ZKSCAN2: variants seen among roughly 807,000 people sequenced by gnomAD.
The protein encoded by ZKSCAN2 is zinc finger with KRAB and SCAN domains 2.
In ZKSCAN2, 38 loss-of-function variants were observed where a neutral mutation model predicts 90.5. The ratio of observed to expected loss-of-function variants is 0.42; its 90% CI spans 0.32 to 0.55. The LOEUF is 0.55. Among genes scored for constraint, ZKSCAN2 ranks in the 20% least tolerant of loss-of-function variants. The probability of loss-of-function intolerance (pLI) is 0.11; values close to 1 mark genes in which losing one functional copy is unlikely to be tolerated. For missense variants in ZKSCAN2, 1,167 were observed against 1,202.6 expected (o/e 0.97, Z 0.44); for synonymous variants, 429 against 421.6 (o/e 1.02, Z -0.22).
At chr16:25,251,199 T>A (rs561056772) in intron 4 of ZKSCAN2, among the ~76,000 whole-genome samples, 16 of 152,086 alleles carry the variant, frequency 1.1e-4, no homozygotes, top group Non-Finnish European at 2.1e-4. Flanking sequence ...AATTGAGTTG[T>A]TTTGCTTAAG....
intron 5 of ZKSCAN2, 27 bp from the exon 6 acceptor site, chr16:25,244,303 T>C (rs1280519762): frequency 2.5e-6 from 4 of 1,595,652 alleles, no homozygotes; most frequent in East Asian, 4.5e-5. Context: ...AAGTTCACAA[T>C]GTAACAAAGA....
intron 6 of ZKSCAN2, among the ~76,000 whole-genome samples, chr16:25,241,544 T>C (rs1962854563): frequency 6.6e-6 from 1 of 152,258 alleles, no homozygotes; most frequent in African/African-American, 2.4e-5. Flanking sequence ...AACTATGACC[T>C]ATTCATGGCC....
In ZKSCAN2 at chr16:25,250,136, C is replaced by T. The variant is rs554134379; in HGVS notation, c.805+1773G>A. On this transcript the variant is annotated intron_variant, in intron 4 of 6. Transcript: ENST00000328086. ...CCAACCTGGCCAATATGGTGAAACC[C>T]CGTCTCTACTAAAAATACAAAAATT... is the stretch of plus-strand genomic sequence containing the variant. Among the ~76,000 whole-genome samples the T allele has an allele frequency of 2.0e-3, 299 of 152,242 alleles. 1 individual carries two copies. Among genetic ancestry groups the T allele is most frequent in the Non-Finnish European group, 3.4e-3 (233 of 68,026 alleles).
chr16:25,240,889 T>G, intron 6 of ZKSCAN2, 151 bp from the exon 7 acceptor site: 1 of 650,874 alleles, frequency 1.5e-6, no homozygotes, highest in Non-Finnish European at 2.6e-6. Flanking sequence ...TATATTTCTT[T>G]CCATTCATAA....
rs759116702 is a variant in ZKSCAN2, at chr16:25,240,072, C to A, written c.2648G>T (p.Gly883Val). The A allele has an allele frequency of 4.3e-6, 7 of 1,613,858 alleles. No individual in the cohort carries two copies. Among genetic ancestry groups the A allele is most frequent in the African/African-American group, 1.3e-5 (1 of 74,872 alleles). The stretch of plus-strand genomic sequence containing the variant: ...GTCCACACATTTGTAGGGATTCTCC[C>A]CAGTGTGAACTCTCCGGTGGGCGCT... ...HFSAHRRVHTGENPYKCVDCE... is the reference protein window; with the variant it reads ...HFSAHRRVHTVENPYKCVDCE... The change falls in exon 7 of 7, where the codon GGG becomes GTG. Residue 883 changes from glycine to valine, a missense_variant. Physicochemically the swap from Gly to Val is moderately radical, Grantham distance 109. Transcript: ENST00000328086.
chr16:25,257,166 T>G lies in ZKSCAN2; in HGVS notation c.-39A>C. The G allele has an allele frequency of 6.5e-7, 1 of 1,539,268 alleles. No individual in the cohort carries two copies. The highest frequency in any genetic ancestry group is 1.3e-5 in the South Asian group (1 of 79,094). On this transcript the variant is annotated 5_prime_UTR_variant, in exon 1 of 7. Transcript: ENST00000328086. ...GGTCAACTTCACGTCTAGCTCAAGG[T>G]GGGGACCCAAAGAAGACTCCAAGCG...
intron 6 of ZKSCAN2, among the ~76,000 whole-genome samples, chr16:25,241,066 T>C (rs1280639801): frequency 1.3e-5 from 2 of 152,198 alleles, no homozygotes; most frequent in African/African-American, 4.8e-5. Context: ...ACCTCTATAC[T>C]AAAGCACACT....
intron 6 of ZKSCAN2, among the ~76,000 whole-genome samples, chr16:25,242,546 A>G (rs1306128786): frequency 6.6e-6 from 1 of 152,220 alleles, no homozygotes; most frequent in African/African-American, 2.4e-5. Context: ...GTTCAGTGCC[A>G]TAAGACAGAG....
intron 4 of ZKSCAN2, among the ~76,000 whole-genome samples, chr16:25,248,275 T>A: frequency 1.5e-5 from 1 of 67,860 alleles, no homozygotes; most frequent in African/African-American, 6.0e-5. Context: ...ACAAAGCTTC[T>A]ATACAGCAAA....
chr16:25,248,924 A>G (rs1214967083), intron 4 of ZKSCAN2, among the ~76,000 whole-genome samples: 2 of 152,254 alleles, frequency 1.3e-5, no homozygotes, highest in East Asian at 3.8e-4. Flanking sequence ...AATGTGGTCT[A>G]TATACACAAA....
chr16:25,245,771 GAAA>G (rs71385530), intron 5 of ZKSCAN2, among the ~76,000 whole-genome samples: 3 of 120,196 alleles, frequency 2.5e-5, no homozygotes, highest in Non-Finnish European at 3.5e-5. Flanking sequence ...CACCGTCTCG[GAAA>G]AAAAAAAAAA....
intron 2 of ZKSCAN2, 88 bp downstream of exon 2, chr16:25,255,118 G>A (rs1963078330): frequency 1.5e-6 from 2 of 1,340,562 alleles, no homozygotes; most frequent in Non-Finnish European, 2.0e-6. Context: ...TATCAAGGAG[G>A]CCCTCCACTG....
chr16:25,241,650 C>T (rs778302352), intron 6 of ZKSCAN2, among the ~76,000 whole-genome samples: 1 of 152,212 alleles, frequency 6.6e-6, no homozygotes, highest in Non-Finnish European at 1.5e-5. Context: ...CATCCATAAA[C>T]ATTTCACAAG....
chr16:25,242,406 C>T (rs1962867976), intron 6 of ZKSCAN2, among the ~76,000 whole-genome samples: 1 of 152,190 alleles, frequency 6.6e-6, no homozygotes, highest in Non-Finnish European at 1.5e-5. Context: ...GAGTCACTTG[C>T]TTCAATAAAC....
chr16:25,257,466 C>T lies in ZKSCAN2; in HGVS notation c.-339G>A, dbSNP rs370312710. 1.4e-5 allele frequency: 14 copies of T among 1,026,908 alleles called. 1 individual carries two copies. The highest frequency in any genetic ancestry group is 8.7e-5 in the East Asian group (1 of 11,526). The allele number at this position is 1,026,908 out of a possible 1,614,324, so 63.6% of individuals were successfully genotyped here. A position where few individuals can be genotyped will look rare whatever the true frequency, so the allele number is the denominator to read the frequency against. ...TGAAGCAGGCTGAGGAAAGGCTGGG[C>T]GGAGGCGGACAGCCGGGCCGGGAGG... On this transcript the variant is annotated 5_prime_UTR_variant, in exon 1 of 7. Coordinates refer to ENST00000328086, the MANE Select transcript of ZKSCAN2 (RefSeq NM_001012981.5).
rs961391486 is a variant in ZKSCAN2 at position 25,246,713 on chromosome 16, G to A, written c.1483C>T (p.Leu495Phe). 18 of 1,614,010 alleles carry A rather than the reference G, an allele frequency of 1.1e-5. No homozygotes were observed. The highest frequency in any genetic ancestry group is 1.4e-5 in the Non-Finnish European group (17 of 1,180,006). The change falls in exon 5 of 7, where the codon CTC becomes TTC. Residue 495 changes from leucine to phenylalanine, a missense_variant. Transcript: ENST00000328086. Reference protein sequence around the residue: ...IHGAPVLFQNLSGVHWGYEET... With the variant: ...IHGAPVLFQNFSGVHWGYEET... ...AACAAAGCACAATTCTTACCACTGA[G>A]ATTCTGAAACAAGACAGGGGCACCA...
intron 6 of ZKSCAN2, among the ~76,000 whole-genome samples, chr16:25,243,517 C>T (rs1475577192): frequency 2.6e-5 from 4 of 152,154 alleles, no homozygotes; most frequent in African/African-American, 9.7e-5. Context: ...TCAGTAGAGA[C>T]AGGGTTTCGC....
intron 6 of ZKSCAN2, among the ~76,000 whole-genome samples, chr16:25,242,346 G>A (rs568666695): frequency 7.3e-4 from 111 of 152,244 alleles, no homozygotes; most frequent in African/African-American, 2.6e-3. Context: ...GGTTCTACAG[G>A]ACTTAATTCA....
In ZKSCAN2 at chr16:25,253,021, C is replaced by A; in HGVS notation, c.603G>T (p.Trp201Cys). ...PLPKNARPSP[W>C]VPALADEWNT... ...TCCATTCATCAGCAAGGGCAGGAAC[C>A]CAGGGAGAAGGCCGAGCTGTAAGAA... Residue 201 changes from tryptophan (W) to cysteine (C), a missense_variant, in exon 3 of 7, where the codon TGG becomes TGT. Trp to Cys is a radical substitution (Grantham distance 215, BLOSUM62 -2). Transcript: ENST00000328086. 6.2e-7 allele frequency: 1 copy of A among 1,614,012 alleles called. No individual in the cohort carries two copies. Among genetic ancestry groups the A allele is most frequent in the Non-Finnish European group, 8.5e-7 (1 of 1,179,946 alleles).
Sources: allele counts gnomAD v4.1 joint callset (sites outside exome capture counted in the v4.1 genomes callset), GRCh38; gene constraint gnomAD v4.1.1; transcripts MANE v1.5; gene names NCBI Gene and HGNC (gene_info 2026-07-23, HGNC 2026-07-21).